Variants in KCNN3 observed in about 807,000 individuals in gnomAD.
KCNN3 encodes the protein potassium calcium-activated channel subfamily N member 3.
Under a neutral mutation model 62.9 loss-of-function variants are expected in KCNN3, and 16 were observed. That is an observed-to-expected ratio of 0.25 (90% CI 0.17 to 0.39). The LOEUF is 0.39. Ranked by LOEUF, KCNN3 falls within the 10% of genes least tolerant of loss-of-function variation. The probability of loss-of-function intolerance (pLI) is 1.00; values close to 1 mark genes in which losing one functional copy is unlikely to be tolerated. For synonymous variants in KCNN3, 370 were observed against 389.2 expected (o/e 0.95, Z 0.58); for missense variants, 599 against 949.4 (o/e 0.63, Z 4.85).
chr1:154,832,465 C>G (rs1327415965), intron 1 of KCNN3, among the ~76,000 whole-genome samples: 1 of 151,988 alleles, frequency 6.6e-6, no homozygotes, highest in East Asian at 1.9e-4. Context: ...AAACACTTAA[C>G]CTTTATTCAC....
chr1:154,811,501 G>C (rs910512252), intron 2 of KCNN3, among the ~76,000 whole-genome samples: 1 of 152,114 alleles, frequency 6.6e-6, no homozygotes, highest in African/African-American at 2.4e-5. Context: ...TCTCAACTTG[G>C]ACCCAGGTCT....
At chr1:154,835,300 T>G (rs149516864) in intron 1 of KCNN3, among the ~76,000 whole-genome samples, 7 of 152,330 alleles carry the variant, frequency 4.6e-5, no homozygotes, top group African/African-American at 1.2e-4. Context: ...TAATCATTAA[T>G]ATAATAATCT....
intron 1 of KCNN3, among the ~76,000 whole-genome samples, chr1:154,851,213 G>A (rs1224135266): frequency 6.6e-6 from 1 of 152,100 alleles, no homozygotes; most frequent in African/African-American, 2.4e-5. Context: ...TCCTGACTTC[G>A]TGATCCACCC....
chr1:154,840,725 T>C (rs1446668172), intron 1 of KCNN3, among the ~76,000 whole-genome samples: 2 of 152,248 alleles, frequency 1.3e-5, no homozygotes, highest in African/African-American at 2.4e-5. Flanking sequence ...CACAACTTCC[T>C]GTCAGGACAG....
In KCNN3 at chr1:154,869,286, T is replaced by C. The variant is rs1653079469; in HGVS notation, c.679A>G (p.Asn227Asp). The change falls in exon 1 of 8, where the codon AAC becomes GAC. Residue 227 changes from asparagine to aspartate, a missense_variant. Physicochemically the swap from Asn to Asp is conservative, Grantham distance 23. This residue lies in a region of KCNN3 where 80 missense variants were observed against 85.4 expected (regional missense o/e 0.94). Transcript: ENST00000271915. This position sits in a 1 kb window ranked among gnomAD's most constrained non-coding sequence, Gnocchi z 6.1. ...PEIVISSRED[N>D]HAHQTLLHHP... is the part of the protein sequence containing the mutation. ...TGGAGCAGGGTCTGGTGGGCATGGT[T>C]GTCCTCCCGGGAGGAGATGACGATC... is the stretch of plus-strand genomic sequence containing the variant. 6.2e-7 allele frequency: 1 copy of C among 1,613,658 alleles called. No homozygotes were observed.
intron 3 of KCNN3, among the ~76,000 whole-genome samples, chr1:154,744,648 C>T (rs75282575): frequency 0.011 from 1,604 of 152,268 alleles, 33 homozygotes; most frequent in African/African-American, 0.037. Context: ...ATTCCCATTC[C>T]CAGCTCTGCC....
intron 1 of KCNN3, among the ~76,000 whole-genome samples, chr1:154,842,061 C>T (rs1016042328): frequency 2.0e-5 from 3 of 152,172 alleles, no homozygotes; most frequent in Non-Finnish European, 4.4e-5. Flanking sequence ...GAGGGGAGAC[C>T]CCCGGGAGTG....
At chr1:154,788,733 C>T (rs148501912) in intron 2 of KCNN3, among the ~76,000 whole-genome samples, 133 of 152,328 alleles carry the variant, frequency 8.7e-4, no homozygotes, top group African/African-American at 3.0e-3. Flanking sequence ...GCCACCTTCA[C>T]GTGCTTTTTA....
chr1:154,841,020 C>A (rs937774579), intron 1 of KCNN3, among the ~76,000 whole-genome samples: 1 of 152,164 alleles, frequency 6.6e-6, no homozygotes, highest in Non-Finnish European at 1.5e-5. Context: ...CAGGCCTGCC[C>A]CTGCGGGGTC....
At chr1:154,714,295 A>T (rs371508774) in intron 6 of KCNN3, among the ~76,000 whole-genome samples, 2 of 15,710 alleles carry the variant, frequency 1.3e-4, no homozygotes, top group Admixed American at 6.7e-4. Flanking sequence ...TGTGGTGTGT[A>T]TGGTGTGTGT....
At chr1:154,836,757 G>A (rs1275452836) in intron 1 of KCNN3, among the ~76,000 whole-genome samples, 30 of 152,158 alleles carry the variant, frequency 2.0e-4, no homozygotes, top group Non-Finnish European at 2.9e-5. Flanking sequence ...AAGGAAACTC[G>A]GCTGGAGCCC....
At chr1:154,839,477 G>A (rs746707153) in intron 1 of KCNN3, among the ~76,000 whole-genome samples, 34 of 152,174 alleles carry the variant, frequency 2.2e-4, no homozygotes, top group Admixed American at 6.5e-4. Context: ...CAGCTGATAG[G>A]GAGGAAAGGT....
At chr1:154,775,039 G>C (rs1253244210) in intron 2 of KCNN3, among the ~76,000 whole-genome samples, 1 of 152,254 alleles carries the variant, frequency 6.6e-6, no homozygotes, top group Non-Finnish European at 1.5e-5. Context: ...GCTGAAAGCC[G>C]AGTGAAGCCT....
At chr1:154,732,900 AC>A (rs1019858240) in intron 4 of KCNN3, 102 bp downstream of exon 4, 15 of 1,317,918 alleles carry the variant, frequency 1.1e-5, no homozygotes, top group South Asian at 1.1e-4. Flanking sequence ...ACTAACAGCC[AC>A]CCCCCGCTCT....
chr1:154,726,128 G>C, intron 4 of KCNN3, 102 bp from the exon 5 acceptor site: 1 of 805,826 alleles, frequency 1.2e-6, no homozygotes, highest in Non-Finnish European at 2.0e-6. Flanking sequence ...AATTTCCTGG[G>C]AGTGGAGTGG....
intron 3 of KCNN3, among the ~76,000 whole-genome samples, chr1:154,753,742 TTA>T (rs1395796752): frequency 6.6e-6 from 1 of 152,192 alleles, no homozygotes; most frequent in African/African-American, 2.4e-5. Flanking sequence ...GTCCAGTGTT[TTA>T]TGTTTCCCCC....
chr1:154,842,928 A>G (rs930901405), intron 1 of KCNN3, among the ~76,000 whole-genome samples: 4 of 152,062 alleles, frequency 2.6e-5, no homozygotes, highest in Non-Finnish European at 4.4e-5. Flanking sequence ...CAACTTACTC[A>G]TCTATAAAAT....
chr1:154,829,663 C>T (rs6665642), intron 1 of KCNN3, among the ~76,000 whole-genome samples: 15,669 of 152,204 alleles, frequency 0.1, 983 homozygotes, highest in East Asian at 0.23. Context: ...GACCTAGACC[C>T]GAGAGCAGGT....
At chr1:154,853,153 C>CT (rs869302885) in intron 1 of KCNN3, among the ~76,000 whole-genome samples, 619 of 145,152 alleles carry the variant, frequency 4.3e-3, no homozygotes, top group Middle Eastern at 0.015. Context: ...ATGTACTCAG[C>CT]TTTTTTTTTT....
Sources: allele counts gnomAD v4.1 joint callset (sites outside exome capture counted in the v4.1 genomes callset), GRCh38; gene constraint gnomAD v4.1.1; regional missense constraint gnomAD v4.1.1; non-coding constraint Gnocchi (gnomAD v3.1); transcripts MANE v1.5; gene names NCBI Gene and HGNC (gene_info 2026-07-23, HGNC 2026-07-21).